ALG5: variants seen among roughly 807,000 people sequenced by gnomAD.
ALG5 encodes dolichyl-phosphate beta-glucosyltransferase.
Under a neutral mutation model 51.8 loss-of-function variants are expected in ALG5, and 26 were observed. The observed-to-expected ratio is 0.50, with a 90% confidence interval of 0.37 to 0.70. The LOEUF (loss-of-function observed/expected upper bound fraction) is 0.70, where lower values mean the gene tolerates loss of function less well. Among genes scored for constraint, ALG5 ranks in the 30% least tolerant of loss-of-function variants. ALG5 has a pLI of 0.00. For missense variants in ALG5, 311 were observed against 399.3 expected, an observed-to-expected ratio of 0.78 and a Z score of 1.88; for synonymous variants, 141 against 136.1, an observed-to-expected ratio of 1.04 and a Z score of -0.25.
intron 6 of ALG5, among the ~76,000 whole-genome samples, chr13:36,973,596 T>A (rs1414866966): frequency 2.0e-5 from 3 of 152,112 alleles, no homozygotes; most frequent in Non-Finnish European, 4.4e-5. Context: ...TTAGTAACAT[T>A]TTAAAGAATT....
intron 8 of ALG5, among the ~76,000 whole-genome samples, chr13:36,957,308 A>C (rs376669255): frequency 4.6e-5 from 7 of 151,688 alleles, no homozygotes; most frequent in African/African-American, 7.3e-5. Flanking sequence ...CAGGGATTTC[A>C]GTATCTACTA....
rs1045250065 is a variant in ALG5 at position 36,997,342 on chromosome 13, A to G, written c.67-1746T>C. Among the ~76,000 whole-genome samples, 6 of 151,678 alleles carry G rather than the reference A, an allele frequency of 4.0e-5. No individual in the cohort carries two copies. In the East Asian group the frequency reaches 7.8e-4, roughly 20 times the overall value. On this transcript the variant is annotated intron_variant, in intron 1 of 9. Coordinates refer to ENST00000239891, the MANE Select transcript of ALG5 (RefSeq NM_013338.5). ...ACAAAAATTAACCGGGAGTGGTGGT[A>G]GGCGCCTGTAATCCCAGCTACTCAG...
intron 8 of ALG5, among the ~76,000 whole-genome samples, chr13:36,955,676 C>A (rs1373212436): frequency 9.6e-5 from 4 of 41,564 alleles, no homozygotes; most frequent in African/African-American, 9.8e-5. Flanking sequence ...AGAAAATGAA[C>A]AGAGATTGTG....
chr13:36,982,955 A>C (rs2058986546), intron 6 of ALG5, among the ~76,000 whole-genome samples: 1 of 152,230 alleles, frequency 6.6e-6, no homozygotes, highest in Non-Finnish European at 1.5e-5. Flanking sequence ...CACATGCTTT[A>C]ATTCTTTAAA....
intron 5 of ALG5, among the ~76,000 whole-genome samples, chr13:36,988,670 C>T (rs2059012371): frequency 6.6e-6 from 1 of 152,194 alleles, no homozygotes; most frequent in Non-Finnish European, 1.5e-5. Context: ...TCATAAGACA[C>T]TGTGAAGAGG....
intron 5 of ALG5, among the ~76,000 whole-genome samples, chr13:36,986,304 C>T (rs531809461): frequency 2.0e-4 from 30 of 152,130 alleles, no homozygotes; most frequent in African/African-American, 6.0e-4. Context: ...ATGCCATTTG[C>T]GGTATTTGAA....
intron 7 of ALG5, among the ~76,000 whole-genome samples, chr13:36,966,302 CT>C (rs2058893198): frequency 6.6e-6 from 1 of 152,136 alleles, no homozygotes; most frequent in East Asian, 1.9e-4. Flanking sequence ...TTCTTTAATA[CT>C]TTGGATATTA....
chr13:36,966,883 C>T (rs974430622), intron 7 of ALG5, among the ~76,000 whole-genome samples: 1 of 151,810 alleles, frequency 6.6e-6, no homozygotes, highest in African/African-American at 2.4e-5. Context: ...TGGCTTTTTC[C>T]ATCAACACCA....
intron 7 of ALG5, among the ~76,000 whole-genome samples, chr13:36,971,288 T>C (rs2058921800): frequency 6.6e-6 from 1 of 152,098 alleles, no homozygotes; most frequent in South Asian, 2.1e-4. Flanking sequence ...TGAATAAAAT[T>C]CAAAATAAAG....
intron 9 of ALG5, among the ~76,000 whole-genome samples, chr13:36,950,922 C>T (rs903886841): frequency 6.6e-6 from 1 of 152,064 alleles, no homozygotes; most frequent in Non-Finnish European, 1.5e-5. Context: ...ATAGTATATA[C>T]GTGCAGATAA....
Position 36,995,450 on chromosome 13 carries a change from C to A in ALG5, c.213G>T (p.Val71=). Residue 71 remains valine (V), a synonymous_variant, in exon 2 of 10, where the codon GTG becomes GTT. Transcript: ENST00000239891. ...DSPTKQLSVV[V]PSYNEEKRLP... ...ACCGTTTTTCTTCATTGTATGAAGGCACAACGACAGAAAGTTGTTTGGTAG... is the reference window on the plus strand; with the variant it reads ...ACCGTTTTTCTTCATTGTATGAAGGAACAACGACAGAAAGTTGTTTGGTAG... 2 of 1,612,800 alleles carry A rather than the reference C, an allele frequency of 1.2e-6. No individual in the cohort carries two copies. Among genetic ancestry groups the A allele is most frequent in the Non-Finnish European group, 8.5e-7 (1 of 1,179,716 alleles).
intron 8 of ALG5, among the ~76,000 whole-genome samples, chr13:36,963,944 A>C (rs1000453906): frequency 6.6e-6 from 1 of 152,236 alleles, no homozygotes; most frequent in African/African-American, 2.4e-5. Context: ...GCTGGGCATG[A>C]TATTAGATAG....
At chr13:36,998,419 T>C (rs1370972865) in intron 1 of ALG5, among the ~76,000 whole-genome samples, 2 of 152,146 alleles carry the variant, frequency 1.3e-5, no homozygotes, top group East Asian at 3.9e-4. Flanking sequence ...GGCAGTGCTG[T>C]CTAGGTGGCT....
At chr13:36,972,810 G>GGAA (rs2058931043) in intron 6 of ALG5, among the ~76,000 whole-genome samples, 1 of 151,972 alleles carries the variant, frequency 6.6e-6, no homozygotes, top group Admixed American at 6.6e-5. Context: ...GGCTAACACA[G>GGAA]CGAAACCCCG....
intron 3 of ALG5, 21 bp from the exon 4 acceptor site, chr13:36,993,693 G>A (rs770917665): frequency 5.6e-6 from 9 of 1,606,042 alleles, no homozygotes; most frequent in South Asian, 4.4e-5. Context: ...CAAAAATAAA[G>A]TAATACAATT....
At chr13:36,971,135 T>C (rs2058920928) in intron 7 of ALG5, among the ~76,000 whole-genome samples, 1 of 152,178 alleles carries the variant, frequency 6.6e-6, no homozygotes. Context: ...CTCTAGTTTT[T>C]CTAGCATAAC....
intron 9 of ALG5, among the ~76,000 whole-genome samples, chr13:36,952,181 T>C (rs1463033181): frequency 6.6e-6 from 1 of 152,188 alleles, no homozygotes; most frequent in Admixed American, 6.5e-5. Context: ...TAGGAAATGG[T>C]GATGCAAAAA....
intron 6 of ALG5, among the ~76,000 whole-genome samples, chr13:36,973,092 CAAA>C (rs758201926): frequency 2.4e-5 from 2 of 84,266 alleles, no homozygotes; most frequent in Non-Finnish European, 4.9e-5. Flanking sequence ...GACTTTCCAT[CAAA>C]AAAAAAAAAA....
At chr13:36,994,167 G>A (rs1444652621) in intron 3 of ALG5, among the ~76,000 whole-genome samples, 1 of 152,150 alleles carries the variant, frequency 6.6e-6, no homozygotes, top group East Asian at 1.9e-4. Context: ...AATTGAAGAG[G>A]TAGAAGCCTC....
Sources: allele counts gnomAD v4.1 joint callset (sites outside exome capture counted in the v4.1 genomes callset), GRCh38; gene constraint gnomAD v4.1.1; transcripts MANE v1.5; gene names NCBI Gene and HGNC (gene_info 2026-07-23, HGNC 2026-07-21).